The following DAB2IP variants were observed in gnomAD, a reference collection of about 807,000 sequenced individuals.
DAB2IP encodes the protein disabled homolog 2-interacting protein.
DAB2IP carries 28 observed loss-of-function variants against 107.2 expected under a neutral mutation model. That is an observed-to-expected ratio of 0.26 (90% CI 0.19 to 0.36). The LOEUF is 0.36. Ranked by LOEUF, DAB2IP falls within the 10% of genes least tolerant of loss-of-function variation. DAB2IP has a pLI of 1.00. For missense variants in DAB2IP, 1,400 were observed against 1,644.7 expected (o/e 0.85, Z 2.57); for synonymous variants, 755 against 706.4 (o/e 1.07, Z -1.09).
At chr9:121,580,773 A>C (rs769813090) in intron 1 of DAB2IP, among the ~76,000 whole-genome samples, 16 of 152,008 alleles carry the variant, frequency 1.1e-4, no homozygotes, top group Admixed American at 1.3e-4. Flanking sequence ...TACAGGCGCC[A>C]ACCACCACGC....
intron 1 of DAB2IP, among the ~76,000 whole-genome samples, chr9:121,642,302 G>A (rs1832383049): frequency 6.6e-6 from 1 of 150,978 alleles, no homozygotes; most frequent in Admixed American, 6.6e-5. Context: ...GTGCAGTCGT[G>A]CAATCTCAGC....
rs949051271 is a variant in DAB2IP at position 121,773,900 on chromosome 9, C to T, written c.2968-360C>T. Among the ~76,000 whole-genome samples, 5 of 152,236 alleles carry T rather than the reference C, an allele frequency of 3.3e-5. No homozygotes were observed. The South Asian group carries it at 1.0e-3, about 31-fold the overall frequency. On this transcript the variant is annotated intron_variant, in intron 12 of 15. Coordinates refer to ENST00000408936, the Ensembl canonical transcript of DAB2IP. ...CTGGAGCATGGATGACCCTGTCACC[C>T]AAAGGCTGCAGGCAGTGTCTGGAGT... is the stretch of plus-strand genomic sequence containing the variant.
At chr9:121,604,957 A>T (rs1272693475) in intron 1 of DAB2IP, among the ~76,000 whole-genome samples, 1 of 152,190 alleles carries the variant, frequency 6.6e-6, no homozygotes, top group Non-Finnish European at 1.5e-5. Context: ...CTAGCAAGGG[A>T]CAGAAGAGAG....
chr9:121,578,763 C>T (rs1171458422), intron 1 of DAB2IP, among the ~76,000 whole-genome samples: 6 of 94,614 alleles, frequency 6.3e-5, no homozygotes, highest in Admixed American at 1.8e-4. Flanking sequence ...TTTTTTGAGA[C>T]GAAGTCTTGC....
intron 1 of DAB2IP, among the ~76,000 whole-genome samples, chr9:121,670,728 A>G (rs1833644701): frequency 6.6e-6 from 1 of 152,168 alleles, no homozygotes; most frequent in African/African-American, 2.4e-5. Flanking sequence ...AAGAATGCAT[A>G]TCATTTGGCC....
At chr9:121,664,251 T>C (rs1833326688) in intron 1 of DAB2IP, among the ~76,000 whole-genome samples, 1 of 152,244 alleles carries the variant, frequency 6.6e-6, no homozygotes, top group Non-Finnish European at 1.5e-5. Flanking sequence ...TGTATGTCTA[T>C]CCTTATGCTA....
In DAB2IP at chr9:121,702,694, TATAGAGG is replaced by T. The variant is rs1333542426; in HGVS notation, c.362+3239_362+3245del. Among the ~76,000 whole-genome samples, 1 of 152,190 alleles carries T rather than the reference TATAGAGG, an allele frequency of 6.6e-6. No homozygotes were observed. ...GCTGTTTTAATGTTGGTAAAAGTGA[TATAGAGG>T]ATGTGGTTCTGTCAGCCCAGAGGAT... On this transcript the variant is annotated intron_variant, in intron 3 of 15. Coordinates refer to ENST00000408936, the Ensembl canonical transcript of DAB2IP. This position sits in a 1 kb window ranked among gnomAD's most constrained non-coding sequence, Gnocchi z 4.5.
intron 10 of DAB2IP, among the ~76,000 whole-genome samples, chr9:121,769,100 T>G (rs1235149604): frequency 6.6e-6 from 1 of 152,082 alleles, no homozygotes; most frequent in Non-Finnish European, 1.5e-5. Flanking sequence ...AAGTGAGCCC[T>G]CCCTAGCCCG....
Position 121,702,645 on chromosome 9 carries a change from A to C in DAB2IP, c.362+3187A>C, listed in dbSNP as rs1374083197. ...AAAGCATTTTCATTTTGCACACTGG[A>C]AATGCTGCTGCTTCATTTACAGGGC... On this transcript the variant is annotated intron_variant, in intron 3 of 15. Coordinates refer to ENST00000408936, the Ensembl canonical transcript of DAB2IP. The surrounding 1 kb of genome is among the most constrained non-coding windows in gnomAD (Gnocchi z 4.5). 6.6e-6 allele frequency among the ~76,000 whole-genome samples: 1 copy of C among 152,134 alleles called. No individual in the cohort carries two copies. Among genetic ancestry groups the C allele is most frequent in the East Asian group, 1.9e-4 (1 of 5,198 alleles).
intron 1 of DAB2IP, among the ~76,000 whole-genome samples, chr9:121,641,969 TC>T (rs1434081361): frequency 8.0e-5 from 11 of 137,310 alleles, no homozygotes; most frequent in East Asian, 2.2e-4. Context: ...TTTCTCTCTC[TC>T]TCTTTCTTTC....
At chr9:121,674,357 CAGGAGATACCTGGGA>C (rs1833801546) in intron 1 of DAB2IP, among the ~76,000 whole-genome samples, 1 of 152,208 alleles carries the variant, frequency 6.6e-6, no homozygotes, top group Non-Finnish European at 1.5e-5. Flanking sequence ...AGGGGCCACA[CAGGAGATACCTGGGA>C]AGGTGCCCCA....
Position 121,782,738 on chromosome 9 carries a change from G to A in DAB2IP, c.*240G>A. On this transcript the variant is annotated 3_prime_UTR_variant, in exon 16 of 16. Coordinates refer to ENST00000408936, the Ensembl canonical transcript of DAB2IP. The surrounding 1 kb of genome is among the most constrained non-coding windows in gnomAD (Gnocchi z 6.1). Reference sequence around the variant, plus strand: ...GTGCGGGCAGAAGAGACTGCACGCTGGGGAGTGGGGACAGCCTGATGGGGC... The same window carrying A: ...GTGCGGGCAGAAGAGACTGCACGCTAGGGAGTGGGGACAGCCTGATGGGGC... The A allele has an allele frequency of 7.3e-7, 1 of 1,373,096 alleles. No homozygotes were observed. The highest frequency in any genetic ancestry group is 9.4e-7 in the Non-Finnish European group (1 of 1,063,764). The allele number at this position is 1,373,096 out of a possible 1,614,324, so 85.1% of individuals were successfully genotyped here.
Position 121,774,329 on chromosome 9 carries a change from T to C in DAB2IP, c.3037T>C (p.Leu1013=), listed in dbSNP as rs767963025. ...TTGGCTCTTGACCATGAACGCGCAG[T>C]TGTTAGAAGACGAGGGCCTGGGCCC... Residue 1013 remains leucine (L), a synonymous_variant, in exon 13 of 16, where the codon TTG becomes CTG. Coordinates refer to ENST00000408936, the Ensembl canonical transcript of DAB2IP. 2.5e-6 allele frequency: 4 copies of C among 1,612,918 alleles called. No individual in the cohort carries two copies. In the Admixed American group the frequency reaches 5.0e-5, roughly 20 times the overall value.
chr9:121,618,071 C>T, intron 1 of DAB2IP, among the ~76,000 whole-genome samples: 1 of 152,178 alleles, frequency 6.6e-6, no homozygotes, highest in Non-Finnish European at 1.5e-5. Flanking sequence ...AGGTACAAGA[C>T]AGAAGGCCCC....
chr9:121,602,947 A>G (rs7853819), intron 1 of DAB2IP, among the ~76,000 whole-genome samples: 38,917 of 151,972 alleles, frequency 0.26, 5,489 homozygotes, highest in South Asian at 0.4. Flanking sequence ...TAAGTTCCTG[A>G]TGCTCCTGCC....
chr9:121,740,279 C>G (rs1183396442), intron 3 of DAB2IP, among the ~76,000 whole-genome samples: 1 of 152,160 alleles, frequency 6.6e-6, no homozygotes, highest in East Asian at 1.9e-4. Flanking sequence ...GTGATCTTTC[C>G]CAGCTCTCTG....
At position 121,757,122 on chromosome 9, in the gene DAB2IP, A is replaced by AAGCC; in HGVS notation, c.473_476dup (p.Val160AlafsTer31). 6.2e-7 allele frequency: 1 copy of AAGCC among 1,614,176 alleles called. No homozygotes were observed. Among genetic ancestry groups the AAGCC allele is most frequent in the Non-Finnish European group, 8.5e-7 (1 of 1,180,010 alleles). ...CAGCATGGAGGAAGAGGTGGTCATC[A>AAGCC]AGCCCGTGCACAGCAGCATCCTTGG... On this transcript the variant is annotated frameshift_variant, in exon 4 of 16. Coordinates refer to ENST00000408936, the Ensembl canonical transcript of DAB2IP. LOFTEE classifies it high-confidence loss of function.
At chr9:121,603,948 TG>T (rs1164839037) in intron 1 of DAB2IP, among the ~76,000 whole-genome samples, 1 of 151,804 alleles carries the variant, frequency 6.6e-6, no homozygotes, top group Non-Finnish European at 1.5e-5. Flanking sequence ...AAGGCTCTTA[TG>T]GGAATGGTGG....
chr9:121,621,636 CTT>C (rs538942620), intron 1 of DAB2IP, among the ~76,000 whole-genome samples: 4,254 of 134,672 alleles, frequency 0.032, 175 homozygotes, highest in African/African-American at 0.11. Flanking sequence ...TCTTTTTTTC[CTT>C]TTTTTTTTTT....
Sources: gnomAD v4.1 joint callset for allele counts (sites outside exome capture counted in the v4.1 genomes callset) on GRCh38, gnomAD v4.1.1 for gene constraint, Gnocchi (gnomAD v3.1) non-coding constraint, MANE v1.5 for transcripts, NCBI Gene and HGNC (gene_info 2026-07-23, HGNC 2026-07-21) for gene names.